The following PAQR5 variants were observed in gnomAD, a reference collection of about 807,000 sequenced individuals.
The protein encoded by PAQR5 is progestin and adipoQ receptor family member 5.
PAQR5 carries 20 observed loss-of-function variants against 34.5 expected under a neutral mutation model. The ratio of observed to expected loss-of-function variants is 0.58; its 90% CI spans 0.41 to 0.84. PAQR5 has a LOEUF of 0.84. PAQR5 is among the 40% of genes least tolerant of loss of function. The pLI is 0.00. For missense variants in PAQR5, 378 were observed against 412.7 expected (o/e 0.92, Z 0.73); for synonymous variants, 131 against 155.6 (o/e 0.84, Z 1.18).
intron 1 of PAQR5, among the ~76,000 whole-genome samples, chr15:69,305,731 G>C (rs1324910928): frequency 2.0e-3 from 1 of 512 alleles, no homozygotes; most frequent in Admixed American, 0.033. Flanking sequence ...AGGGTGGAGT[G>C]TGGGTGTTGT....
At chr15:69,321,722 A>G (rs1456111240) in intron 1 of PAQR5, among the ~76,000 whole-genome samples, 2 of 152,232 alleles carry the variant, frequency 1.3e-5, no homozygotes, top group Non-Finnish European at 1.5e-5. Flanking sequence ...ACCAGGTAGA[A>G]GATGCCAGAC....
intron 2 of PAQR5, among the ~76,000 whole-genome samples, chr15:69,350,072 A>G (rs1464046949): frequency 6.6e-6 from 1 of 152,198 alleles, no homozygotes; most frequent in Non-Finnish European, 1.5e-5. Context: ...CAGACTTTAC[A>G]ATGGGAAAAG....
At chr15:69,334,165 C>A (rs1392768659) in intron 1 of PAQR5, among the ~76,000 whole-genome samples, 1 of 152,008 alleles carries the variant, frequency 6.6e-6, no homozygotes, top group East Asian at 1.9e-4. Flanking sequence ...GTTGCTGGGG[C>A]TACAGGCGCC....
chr15:69,300,589 C>CTTT (rs2053516093), intron 1 of PAQR5, among the ~76,000 whole-genome samples: 7 of 63,884 alleles, frequency 1.1e-4, no homozygotes, highest in Middle Eastern at 0.01. Flanking sequence ...TTCTTTCTTT[C>CTTT]CTTCTTTCTT....
At position 69,299,324 on chromosome 15, in the gene PAQR5, G is replaced by A. The variant is rs973274179; in HGVS notation, c.-277+268G>A. The stretch of plus-strand genomic sequence containing the variant: ...AAGGCTCTCTGCTGCAATCGAGGGC[G>A]GTGAGGGGAGCTGTTGCCTTCTCGC... On this transcript the variant is annotated intron_variant, in intron 1 of 8. Transcript: ENST00000395407. Among the ~76,000 whole-genome samples the A allele has an allele frequency of 7.2e-5, 11 of 152,314 alleles. No individual in the cohort carries two copies. The East Asian group carries it at 9.7e-4, about 13-fold the overall frequency.
At chr15:69,311,498 C>T (rs984604966) in intron 1 of PAQR5, among the ~76,000 whole-genome samples, 1 of 152,118 alleles carries the variant, frequency 6.6e-6, no homozygotes, top group East Asian at 1.9e-4. Context: ...AAGTTGTTTC[C>T]ATCTCCCCTG....
chr15:69,313,756 T>C (rs903333562), intron 1 of PAQR5, among the ~76,000 whole-genome samples: 3 of 151,654 alleles, frequency 2.0e-5, no homozygotes, highest in Non-Finnish European at 2.9e-5. Context: ...TGGCGACTGG[T>C]CACCCTGGGG....
At chr15:69,355,351 TCTTTCTTTCTTTC>T (rs1174360606) in intron 2 of PAQR5, among the ~76,000 whole-genome samples, 1 of 30,450 alleles carries the variant, frequency 3.3e-5, no homozygotes, top group Non-Finnish European at 8.3e-5. Context: ...TTTTTTTCTT[TCTTTCTTTCTTTC>T]TTTCTTTCTT....
At position 69,384,891 on chromosome 15, in the gene PAQR5, G is replaced by A; in HGVS notation, c.385+9G>A. On this transcript the variant is annotated intron_variant, in intron 5 of 8. Coordinates refer to ENST00000395407, the MANE Select transcript of PAQR5 (RefSeq NM_017705.4). Reference sequence around the variant, plus strand: ...CAACCTCTTCAGCCTGGGTATGTGAGGCCTTGTTCTTGCTTTCCTTCCCCT... The same window carrying A: ...CAACCTCTTCAGCCTGGGTATGTGAAGCCTTGTTCTTGCTTTCCTTCCCCT... 1 of 1,610,280 alleles carries A rather than the reference G, an allele frequency of 6.2e-7. No individual in the cohort carries two copies. Among genetic ancestry groups the A allele is most frequent in the Non-Finnish European group, 8.5e-7 (1 of 1,177,300 alleles).
At chr15:69,374,872 G>T (rs932549435) in intron 3 of PAQR5, among the ~76,000 whole-genome samples, 1 of 152,094 alleles carries the variant, frequency 6.6e-6, no homozygotes. Context: ...TGGATTCTGG[G>T]CAGGGAGGTG....
rs532376386 is a variant in PAQR5, at chr15:69,345,220, T to G, written c.-116+7719T>G. Among the ~76,000 whole-genome samples, 6 of 152,212 alleles carry G rather than the reference T, an allele frequency of 3.9e-5. No individual in the cohort carries two copies. In the South Asian group the frequency reaches 1.3e-3, roughly 32 times the overall value. On this transcript the variant is annotated intron_variant, in intron 2 of 8. Coordinates refer to ENST00000395407, the MANE Select transcript of PAQR5 (RefSeq NM_017705.4). Reference sequence around the variant, plus strand: ...TTTAAAATTAATATATTGAATATATTTAGGGGTTCTGAATATGTATGCCTA... The same window carrying G: ...TTTAAAATTAATATATTGAATATATGTAGGGGTTCTGAATATGTATGCCTA...
chr15:69,360,281 CA>C, intron 3 of PAQR5, 150 bp downstream of exon 3: 1 of 544,532 alleles, frequency 1.8e-6, no homozygotes, highest in Non-Finnish European at 3.3e-6. Context: ...GGGGATATTA[CA>C]GCCTCCTACT....
intron 3 of PAQR5, among the ~76,000 whole-genome samples, chr15:69,376,791 G>A (rs2055718696): frequency 6.6e-6 from 1 of 152,132 alleles, no homozygotes. Flanking sequence ...CCTAAATGAG[G>A]TCAAGTTGTC....
chr15:69,392,486 A>G (rs936070678), intron 6 of PAQR5, among the ~76,000 whole-genome samples: 2 of 151,602 alleles, frequency 1.3e-5, no homozygotes, highest in Non-Finnish European at 2.9e-5. Flanking sequence ...TGCCTATTCC[A>G]TCTATCCACC....
rs548365937 is a variant in PAQR5, at chr15:69,388,970, C to A, written c.386-684C>A. Reference sequence around the variant, plus strand: ...TTGAAAAGGACAGTGATCTCCCCTGCTCTTCCAAATAAATGCTTCAGCAAA... The same window carrying A: ...TTGAAAAGGACAGTGATCTCCCCTGATCTTCCAAATAAATGCTTCAGCAAA... On this transcript the variant is annotated intron_variant, in intron 5 of 8. Transcript: ENST00000395407. Among the ~76,000 whole-genome samples, 194 of 152,344 alleles carry A rather than the reference C, an allele frequency of 1.3e-3. 1 individual carries two copies. The highest frequency in any genetic ancestry group is 4.5e-3 in the African/African-American group (186 of 41,594).
intron 5 of PAQR5, among the ~76,000 whole-genome samples, chr15:69,388,649 C>T (rs61090389): frequency 0.021 from 3,263 of 152,360 alleles, 120 homozygotes; most frequent in African/African-American, 0.074. Context: ...TGAAATCTCG[C>T]GGGCTGCCTG....
At chr15:69,358,187 T>C (rs2055129564) in intron 2 of PAQR5, among the ~76,000 whole-genome samples, 1 of 152,064 alleles carries the variant, frequency 6.6e-6, no homozygotes, top group Non-Finnish European at 1.5e-5. Context: ...TGTATTTTTC[T>C]GTTTCTTGGA....
At chr15:69,355,333 TTTCTTTCTTTTTTTC>T (rs1704116961) in intron 2 of PAQR5, among the ~76,000 whole-genome samples, 5 of 51,920 alleles carry the variant, frequency 9.6e-5, no homozygotes, top group African/African-American at 3.9e-4. Flanking sequence ...TCTTTCTTTC[TTTCTTTCTTTTTTTC>T]TTTCTTTCTT....
chr15:69,319,189 A>AAATATATACATATATATATT (rs1566995855), intron 1 of PAQR5, among the ~76,000 whole-genome samples: 4 of 8,814 alleles, frequency 4.5e-4, no homozygotes, highest in Non-Finnish European at 2.1e-3. Flanking sequence ...ATATATATAT[A>AAATATATACATATATATATT]TATATATATA....
Sources: allele counts gnomAD v4.1 joint callset (sites outside exome capture counted in the v4.1 genomes callset), GRCh38; gene constraint gnomAD v4.1.1; transcripts MANE v1.5; gene names NCBI Gene and HGNC (gene_info 2026-07-23, HGNC 2026-07-21).